ATP6V0A1: variants seen among roughly 807,000 people sequenced by gnomAD.
ATP6V0A1 encodes the protein ATPase H+ transporting V0 subunit a1, also known as V-type proton ATPase 116 kDa subunit a 1.
ATP6V0A1 carries 43 observed loss-of-function variants against 105.4 expected under a neutral mutation model. The observed-to-expected ratio is 0.41, with a 90% confidence interval of 0.32 to 0.53. The LOEUF is 0.53. ATP6V0A1 is among the 20% of genes least tolerant of loss of function. ATP6V0A1 has a pLI of 0.30. For missense variants in ATP6V0A1, 676 were observed against 1,051.1 expected (o/e 0.64, Z 4.93); for synonymous variants, 362 against 372.8 (o/e 0.97, Z 0.33).
At chr17:42,478,887 G>T in intron 7 of ATP6V0A1, 1 of 162,550 alleles carries the variant, frequency 6.2e-6, no homozygotes, top group Non-Finnish European at 1.3e-5. Context: ...TTTAAAGCAA[G>T]ACATCTGGTT....
chr17:42,501,133 G>A, intron 16 of ATP6V0A1, 64 bp from the exon 17 acceptor site: 2 of 1,375,736 alleles, frequency 1.5e-6, no homozygotes, highest in Non-Finnish European at 2.0e-6. Flanking sequence ...GCCATATTTG[G>A]AAACTGCGTA....
chr17:42,514,933 C>G (rs865908665), intron 21 of ATP6V0A1, among the ~76,000 whole-genome samples: 4 of 152,150 alleles, frequency 2.6e-5, no homozygotes, highest in African/African-American at 9.7e-5. Context: ...AGTTGGACCC[C>G]TGGCAGCTCC....
chr17:42,494,652 T>C lies in ATP6V0A1; in HGVS notation c.1314+179T>C, dbSNP rs1330226834. ...AGCTGGAAGTGGTAGTGTGTGCCTG[T>C]AGTCCCAGCTACTTGGAGGCTGAGG... On this transcript the variant is annotated intron_variant, in intron 12 of 21. Coordinates refer to ENST00000343619, the MANE Select transcript of ATP6V0A1 (RefSeq NM_001130021.3). The C allele has an allele frequency of 4.2e-6, 3 of 706,104 alleles. No individual in the cohort carries two copies. In the African/African-American group the frequency reaches 5.4e-5, roughly 13 times the overall value. 43.7% of individuals were successfully genotyped at this position (706,104 alleles called of 1,614,324 possible).
intron 17 of ATP6V0A1, among the ~76,000 whole-genome samples, chr17:42,505,269 G>A (rs749376567): frequency 6.6e-4 from 101 of 152,162 alleles, no homozygotes; most frequent in Non-Finnish European, 1.2e-3. Flanking sequence ...GCAGTGGCAC[G>A]ATCTTGGCTC....
At position 42,471,926 on chromosome 17, in the gene ATP6V0A1, A is replaced by G. The variant is rs986829997; in HGVS notation, c.423+1708A>G. Among the ~76,000 whole-genome samples the G allele has an allele frequency of 7.9e-5, 12 of 152,254 alleles. No individual in the cohort carries two copies. The South Asian group carries it at 8.3e-4, about 11-fold the overall frequency. On this transcript the variant is annotated intron_variant, in intron 5 of 21. Transcript: ENST00000343619. Reference sequence around the variant, plus strand: ...TGTCTTCTTGACAGGTGTCTTTGCCACCAGATTGACAATATTAGACACTTT... The same window carrying G: ...TGTCTTCTTGACAGGTGTCTTTGCCGCCAGATTGACAATATTAGACACTTT...
chr17:42,516,465 T>C (rs2092631081), intron 21 of ATP6V0A1, among the ~76,000 whole-genome samples: 1 of 152,180 alleles, frequency 6.6e-6, no homozygotes, highest in Non-Finnish European at 1.5e-5. Flanking sequence ...TCTAAGCTTA[T>C]CAGCCGACCC....
intron 11 of ATP6V0A1, among the ~76,000 whole-genome samples, chr17:42,490,972 G>A (rs1279072107): frequency 1.3e-5 from 2 of 152,088 alleles, no homozygotes; most frequent in Non-Finnish European, 2.9e-5. Context: ...TGATTCTCCC[G>A]CCTGAACCTC....
In ATP6V0A1 at chr17:42,500,872, G is replaced by A. The variant is rs780036781; in HGVS notation, c.1845G>A (p.Met615Ile). 5 of 1,614,020 alleles carry A rather than the reference G, an allele frequency of 3.1e-6. No individual in the cohort carries two copies. The highest frequency in any genetic ancestry group is 2.2e-5 in the East Asian group (1 of 44,900). Residue 615 changes from methionine (M) to isoleucine (I), a missense_variant, in exon 16 of 22, where the codon ATG becomes ATA. Coordinates refer to ENST00000343619, the MANE Select transcript of ATP6V0A1 (RefSeq NM_001130021.3). Reference protein sequence around the residue: ...APSLLIHFINMFLFSYPESGY... With the variant: ...APSLLIHFINIFLFSYPESGY... ...GCCTTCTGATCCATTTCATAAACATGTTCCTCTTTTCCTACCCAGAGTCTG... is the reference window on the plus strand; with the variant it reads ...GCCTTCTGATCCATTTCATAAACATATTCCTCTTTTCCTACCCAGAGTCTG...
Position 42,490,404 on chromosome 17 carries a change from G to A in ATP6V0A1, c.1024-83G>A, listed in dbSNP as rs2090514924. 3.9e-6 allele frequency: 5 copies of A among 1,278,622 alleles called. No homozygotes were observed. The South Asian group carries it at 1.0e-4, about 26-fold the overall frequency. 79.2% of individuals were successfully genotyped at this position (1,278,622 alleles called of 1,614,324 possible). On this transcript the variant is annotated intron_variant, in intron 10 of 21. Coordinates refer to ENST00000343619, the MANE Select transcript of ATP6V0A1 (RefSeq NM_001130021.3). ...ACATTTTATGTGTACCATTTGATGA[G>A]TTTCAAGAAATGTACACCTGTGTAA... is the stretch of plus-strand genomic sequence containing the variant.
chr17:42,515,010 A>G (rs1029121471), intron 21 of ATP6V0A1, among the ~76,000 whole-genome samples: 1 of 151,886 alleles, frequency 6.6e-6, no homozygotes, highest in Non-Finnish European at 1.5e-5. Context: ...GCTTCTTCAC[A>G]TGGGCAGGTT....
At chr17:42,516,548 C>T (rs148393863) in intron 21 of ATP6V0A1, among the ~76,000 whole-genome samples, 220 of 152,314 alleles carry the variant, frequency 1.4e-3, no homozygotes, top group African/African-American at 4.9e-3. Context: ...TGCCCCTTGG[C>T]CTCCTTTCTT....
At chr17:42,495,481 GCT>G in intron 13 of ATP6V0A1, 143 bp from the exon 14 acceptor site, 1 of 684,972 alleles carries the variant, frequency 1.5e-6, no homozygotes, top group South Asian at 2.0e-5. Flanking sequence ...AGTCTCAGCT[GCT>G]AGTCTCTCCT....
rs777427426 is a variant in ATP6V0A1, at chr17:42,498,998, C to A, written c.1635C>A (p.Ile545=). ...TGAAGATGTCTGTTATCCTTGGTAT[C>A]ATCCATATGCTGTTTGGAGTCAGCC... ...FKMKMSVILG[I]IHMLFGVSLS... Residue 545 remains isoleucine (I), a synonymous_variant, in exon 15 of 22, where the codon ATC becomes ATA. Transcript: ENST00000343619. 1.2e-6 allele frequency: 2 copies of A among 1,613,554 alleles called. No homozygotes were observed. The highest frequency in any genetic ancestry group is 1.7e-4 in the Middle Eastern group (1 of 6,060).
rs1048315251 is a variant in ATP6V0A1 at position 42,509,964 on chromosome 17, G to T, written c.2130+1375G>T. ...TAGATACCCATGACATTTATCTAAT[G>T]ATTTCAAACCAAACAGGTTCCTAAA... On this transcript the variant is annotated intron_variant, in intron 19 of 21. Coordinates refer to ENST00000343619, the MANE Select transcript of ATP6V0A1 (RefSeq NM_001130021.3). The T allele has an allele frequency of 2.0e-5, 3 of 152,188 alleles. No individual in the cohort carries two copies. In the South Asian group the frequency reaches 6.2e-4, roughly 31 times the overall value. 9.4% of individuals were successfully genotyped at this position (152,188 alleles called of 1,614,324 possible). A position where few individuals can be genotyped will look rare whatever the true frequency, so the allele number is the denominator to read the frequency against.
chr17:42,466,331 C>A, intron 2 of ATP6V0A1, 98 bp from the exon 3 acceptor site: 1 of 1,032,798 alleles, frequency 9.7e-7, no homozygotes, highest in Non-Finnish European at 1.5e-6. Context: ...CATGCATTGA[C>A]AGAAAATTAG....
intron 17 of ATP6V0A1, 105 bp from the exon 18 acceptor site, chr17:42,507,415 C>A: frequency 1.3e-6 from 1 of 785,774 alleles, no homozygotes; most frequent in Non-Finnish European, 2.1e-6. Flanking sequence ...TGTTGTTAGA[C>A]ATATGCTTTT....
rs182318440 is a variant in ATP6V0A1, at chr17:42,491,743, C to A, written c.1174+1106C>A. 1.6e-3 allele frequency among the ~76,000 whole-genome samples: 242 copies of A among 152,216 alleles called. 2 individuals carry two copies. Among genetic ancestry groups the A allele is most frequent in the East Asian group, 0.014 (70 of 5,142 alleles). On this transcript the variant is annotated intron_variant, in intron 11 of 21. Coordinates refer to ENST00000343619, the MANE Select transcript of ATP6V0A1 (RefSeq NM_001130021.3). ...GGTGATCTGCCTGCCTCTGCCTCCC[C>A]AAGTGCTGGGATTACAGACGTGAGC...
At chr17:42,469,375 G>C (rs1246886437) in intron 4 of ATP6V0A1, among the ~76,000 whole-genome samples, 1 of 131,384 alleles carries the variant, frequency 7.6e-6, no homozygotes, top group African/African-American at 3.0e-5. Context: ...CTCTCACCCA[G>C]CCTGGAGTGC....
intron 2 of ATP6V0A1, 73 bp from the exon 3 acceptor site, chr17:42,466,356 G>T: frequency 7.5e-7 from 1 of 1,331,252 alleles, no homozygotes; most frequent in South Asian, 1.2e-5. Context: ...TCGCTTTGCA[G>T]AATGTGTTGC....
Sources: gnomAD v4.1 joint callset for allele counts (sites outside exome capture counted in the v4.1 genomes callset) on GRCh38, gnomAD v4.1.1 for gene constraint, MANE v1.5 for transcripts, NCBI Gene and HGNC (gene_info 2026-07-23, HGNC 2026-07-21) for gene names.